MCF2L: variants seen among roughly 807,000 people sequenced by gnomAD.
The protein encoded by MCF2L is MCF.2 cell line derived transforming sequence like, also known as guanine nucleotide exchange factor DBS.
Under a neutral mutation model 153.4 loss-of-function variants are expected in MCF2L, and 97 were observed. That is an observed-to-expected ratio of 0.63 (90% CI 0.54 to 0.75). MCF2L has a LOEUF of 0.75. Ranked by LOEUF, MCF2L falls within the 30% of genes least tolerant of loss-of-function variation. The probability of loss-of-function intolerance (pLI) is 0.00; values close to 1 mark genes in which losing one functional copy is unlikely to be tolerated. For synonymous variants in MCF2L, 659 were observed against 632.2 expected (o/e 1.04, Z -0.64); for missense variants, 1,347 against 1,495.2 (o/e 0.90, Z 1.64).
chr13:113,076,860 G>A (rs535995427), intron 12 of MCF2L, among the ~76,000 whole-genome samples, 192 bp from the exon 13 acceptor site: 40 of 152,364 alleles, frequency 2.6e-4, no homozygotes, highest in African/African-American at 9.6e-4. Context: ...GCCCCGTCCC[G>A]TGTGGGGGCT....
intron 9 of MCF2L, among the ~76,000 whole-genome samples, chr13:113,073,174 G>A (rs930773976): frequency 1.1e-4 from 16 of 152,032 alleles, no homozygotes; most frequent in Admixed American, 9.8e-4. Context: ...ATTGTAATCA[G>A]AGAACATACT....
At position 113,031,402 on chromosome 13, in the gene MCF2L, G is replaced by A. The variant is rs1425686111; in HGVS notation, c.278+6644G>A. 1.3e-5 allele frequency among the ~76,000 whole-genome samples: 2 copies of A among 152,168 alleles called. No homozygotes were observed. Among genetic ancestry groups the A allele is most frequent in the African/African-American group, 2.4e-5 (1 of 41,428 alleles). ...ACAGAGATCCCAGGAGGGCGCCAGC[G>A]GCATCTTTGGGGGCAGCGAACGCAC... is the stretch of plus-strand genomic sequence containing the variant. On this transcript the variant is annotated intron_variant, in intron 3 of 29. Coordinates refer to ENST00000535094, the MANE Select transcript of MCF2L (RefSeq NM_001112732.3). The surrounding 1 kb of genome is among the most constrained non-coding windows in gnomAD (Gnocchi z 5.5).
At chr13:113,025,886 C>T (rs12861220) in intron 3 of MCF2L, among the ~76,000 whole-genome samples, 2,041 of 24,646 alleles carry the variant, frequency 0.083, 59 homozygotes, top group Middle Eastern at 0.17. Flanking sequence ...GGGCAGAGTC[C>T]CTGTGAGGTT....
intron 2 of MCF2L, among the ~76,000 whole-genome samples, chr13:113,016,634 C>T (rs9577192): frequency 0.22 from 33,520 of 151,012 alleles, 4,428 homozygotes; most frequent in African/African-American, 0.36. Context: ...ATGCTGCCCC[C>T]GCGTCGTATC....
In MCF2L at chr13:113,065,891, G is replaced by A. The variant is rs531281943; in HGVS notation, c.757-155G>A. 3.3e-3 allele frequency among the ~76,000 whole-genome samples: 509 copies of A among 152,314 alleles called. 4 individuals carry two copies. The highest frequency in any genetic ancestry group is 5.5e-3 in the Non-Finnish European group (375 of 68,012). ...CCCACATCACCCCGCCTGCCCGCACGACCCCACAGAAGAGACTGGGAAGAC... is the reference window on the plus strand; with the variant it reads ...CCCACATCACCCCGCCTGCCCGCACAACCCCACAGAAGAGACTGGGAAGAC... On this transcript the variant is annotated intron_variant, in intron 7 of 29. Coordinates refer to ENST00000535094, the MANE Select transcript of MCF2L (RefSeq NM_001112732.3).
chr13:112,896,547 G>A (rs948681549), intron 1 of MCF2L, among the ~76,000 whole-genome samples: 1 of 152,172 alleles, frequency 6.6e-6, no homozygotes, highest in Non-Finnish European at 1.5e-5. Context: ...GAGATGAGTC[G>A]TGTAGATAGA....
In MCF2L at chr13:113,097,011, G is replaced by A. The variant is rs1330224027; in HGVS notation, c.*152G>A. 7.3e-5 allele frequency: 34 copies of A among 466,156 alleles called. No homozygotes were observed. The Admixed American group carries it at 1.6e-3, about 21-fold the overall frequency. 28.9% of individuals were successfully genotyped at this position (466,156 alleles called of 1,614,324 possible). A position where few individuals can be genotyped will look rare whatever the true frequency, so the allele number is the denominator to read the frequency against. ...CTGCAGAGGACCCCTCCGGGGCAGA[G>A]GCAGGTTCCACGGAAGACCCCGGCC... On this transcript the variant is annotated 3_prime_UTR_variant, in exon 30 of 30. Coordinates refer to ENST00000535094, the MANE Select transcript of MCF2L (RefSeq NM_001112732.3).
rs143051075 is a variant in MCF2L, at chr13:112,970,177, G to A, written c.79+719G>A. Among the ~76,000 whole-genome samples the A allele has an allele frequency of 7.1e-3, 1,077 of 152,184 alleles. 3 individuals carry two copies. The highest frequency in any genetic ancestry group is 0.01 in the Middle Eastern group (3 of 292). On this transcript the variant is annotated intron_variant, in intron 1 of 29. Coordinates refer to ENST00000535094, the MANE Select transcript of MCF2L (RefSeq NM_001112732.3). ...TAACTCGTTTTCCTTGAAATGAAGAGGAAATAATGATATATCATTAAAAGT... is the reference window on the plus strand; with the variant it reads ...TAACTCGTTTTCCTTGAAATGAAGAAGAAATAATGATATATCATTAAAAGT...
At chr13:113,020,056 G>A (rs958840274) in intron 2 of MCF2L, among the ~76,000 whole-genome samples, 1 of 152,220 alleles carries the variant, frequency 6.6e-6, no homozygotes, top group Non-Finnish European at 1.5e-5. Flanking sequence ...TGTCCAGGTA[G>A]GAGTTCCGTG....
At chr13:113,038,464 CAAAA>C (rs59638426) in intron 3 of MCF2L, among the ~76,000 whole-genome samples, 8 of 111,898 alleles carry the variant, frequency 7.1e-5, no homozygotes, top group Non-Finnish European at 9.6e-5. Context: ...GCCTCCATCT[CAAAA>C]AAAAAAAAAA....
chr13:113,075,155 G>C lies in MCF2L; in HGVS notation c.1274G>C (p.Ser425Thr), dbSNP rs367795945. Residue 425 changes from serine to threonine, a missense_variant, in exon 11 of 30, where the codon AGC becomes ACC. Coordinates refer to ENST00000535094, the MANE Select transcript of MCF2L (RefSeq NM_001112732.3). ...ATCGCAAGGAGGAGGGGGCTGCTCA[G>C]CAAGTCCCTGGAGCTGCACCGCCGC... ...AEIARRRGLL[S>T]KSLELHRRLE... is the part of the protein sequence containing the mutation. 5.6e-6 allele frequency: 9 copies of C among 1,609,676 alleles called. No homozygotes were observed. The highest frequency in any genetic ancestry group is 7.6e-6 in the Non-Finnish European group (9 of 1,177,726).
intron 26 of MCF2L, chr13:113,094,299 C>T (rs1035942606): frequency 2.9e-6 from 1 of 341,120 alleles, no homozygotes; most frequent in Non-Finnish European, 5.2e-6. Context: ...CAATTGGAAG[C>T]AGATGGTCTC....
intron 1 of MCF2L, among the ~76,000 whole-genome samples, chr13:112,981,673 G>C (rs1236730891): frequency 1.3e-5 from 2 of 152,214 alleles, no homozygotes; most frequent in African/African-American, 2.4e-5. Flanking sequence ...CTCCTGGCAG[G>C]GTCCACACCC....
intron 1 of MCF2L, among the ~76,000 whole-genome samples, chr13:112,895,115 G>A (rs2081053820): frequency 6.6e-6 from 1 of 152,190 alleles, no homozygotes. Context: ...ACCTGGCTTG[G>A]TTGCCGTGGG....
Position 113,045,017 on chromosome 13 carries a change from C to A in MCF2L, c.279-254C>A. ...GAGATGGTTCTGCCTCAATCTGTGA[C>A]TCGAGGTGGTTGGTGTTAGGCTGAG... On this transcript the variant is annotated intron_variant, in intron 3 of 29. Transcript: ENST00000535094. This position sits in a 1 kb window ranked among gnomAD's most constrained non-coding sequence, Gnocchi z 4.2. 2 of 1,288,702 alleles carry A rather than the reference C, an allele frequency of 1.6e-6. No homozygotes were observed. Among genetic ancestry groups the A allele is most frequent in the Admixed American group, 2.1e-5 (1 of 48,038 alleles). The allele number at this position is 1,288,702 out of a possible 1,614,324, so 79.8% of individuals were successfully genotyped here.
At chr13:112,961,388 C>T (rs766206650) in intron 2 of MCF2L, among the ~76,000 whole-genome samples, 6 of 152,224 alleles carry the variant, frequency 3.9e-5, no homozygotes, top group East Asian at 1.9e-4. Context: ...CCTTGGGGTT[C>T]GGTTGGCCCT....
chr13:113,001,785 A>G, intron 1 of MCF2L: 2 of 1,411,010 alleles, frequency 1.4e-6, no homozygotes, highest in South Asian at 3.1e-5. Context: ...TCTGCCCAGC[A>G]AACCCAGGAA....
At position 113,064,046 on chromosome 13, in the gene MCF2L, A is replaced by C. The variant is rs2031976381; in HGVS notation, c.490-258A>C. 1.3e-5 allele frequency among the ~76,000 whole-genome samples: 2 copies of C among 152,092 alleles called. No individual in the cohort carries two copies. Among genetic ancestry groups the C allele is most frequent in the Non-Finnish European group, 2.9e-5 (2 of 68,016 alleles). On this transcript the variant is annotated intron_variant, in intron 5 of 29. Transcript: ENST00000535094. This position sits in a 1 kb window ranked among gnomAD's most constrained non-coding sequence, Gnocchi z 6.0. ...AGTGCCTGCCAAATAGCAGGGAAGG[A>C]GGGCGCACGGAGTTATCTCCATCAT...
chr13:113,005,878 G>GA (rs1192634832), intron 1 of MCF2L, among the ~76,000 whole-genome samples: 1 of 152,204 alleles, frequency 6.6e-6, no homozygotes, highest in Non-Finnish European at 1.5e-5. Flanking sequence ...AATATAGCTG[G>GA]AAAAAATAGC....
Sources: allele counts gnomAD v4.1 joint callset (sites outside exome capture counted in the v4.1 genomes callset), GRCh38; gene constraint gnomAD v4.1.1; non-coding constraint Gnocchi (gnomAD v3.1); transcripts MANE v1.5; gene names NCBI Gene and HGNC (gene_info 2026-07-23, HGNC 2026-07-21).